Variants in SUPT3H observed in about 807,000 individuals in gnomAD.
SUPT3H encodes the protein SPT3 homolog, SAGA and STAGA complex component.
In SUPT3H, 44 loss-of-function variants were observed where a neutral mutation model predicts 44.3. The ratio of observed to expected loss-of-function variants is 0.99; its 90% CI spans 0.78 to 1.28. The LOEUF is 1.28. Ranked by LOEUF, SUPT3H falls within the 50% of genes most tolerant of loss-of-function variation. The pLI, the probability that SUPT3H is intolerant of heterozygous loss-of-function variation, is 0.00. For synonymous variants in SUPT3H, 124 were observed against 125.6 expected, an observed-to-expected ratio of 0.99 and a Z score of 0.09; for missense variants, 380 against 387.1, an observed-to-expected ratio of 0.98 and a Z score of 0.15.
chr6:45,157,296 A>G (rs1008395799), intron 2 of SUPT3H, among the ~76,000 whole-genome samples: 14 of 151,988 alleles, frequency 9.2e-5, no homozygotes, highest in African/African-American at 3.1e-4. Flanking sequence ...GTATTTAAGA[A>G]CCAACCTCCA....
At chr6:44,837,824 A>C (rs568089598) in intron 10 of SUPT3H, among the ~76,000 whole-genome samples, 4 of 152,336 alleles carry the variant, frequency 2.6e-5, no homozygotes, top group Admixed American at 1.3e-4. Context: ...TTTGTAGTAG[A>C]TAATATAATT....
chr6:44,873,546 A>G, intron 10 of SUPT3H, among the ~76,000 whole-genome samples: 1 of 51,644 alleles, frequency 1.9e-5, no homozygotes, highest in Non-Finnish European at 4.2e-5. Flanking sequence ...AAGAGAAAGC[A>G]GGAAAGATCC....
intron 11 of SUPT3H, among the ~76,000 whole-genome samples, chr6:44,820,294 G>T (rs900692770): frequency 1.3e-5 from 2 of 152,110 alleles, no homozygotes; most frequent in African/African-American, 4.8e-5. Context: ...ACTAATTTCT[G>T]CTTGTAGTGG....
At chr6:45,096,385 A>T (rs1797784922) in intron 3 of SUPT3H, among the ~76,000 whole-genome samples, 1 of 152,176 alleles carries the variant, frequency 6.6e-6, no homozygotes, top group Admixed American at 6.6e-5. Flanking sequence ...ATTTTAGATG[A>T]TGTATTTTCA....
intron 5 of SUPT3H, among the ~76,000 whole-genome samples, chr6:45,011,944 T>G (rs1004113385): frequency 4.6e-5 from 7 of 152,064 alleles, no homozygotes; most frequent in Non-Finnish European, 1.0e-4. Context: ...TTGCTGGATA[T>G]AAGTTTCTCG....
chr6:45,005,468 G>A (rs1782579429), intron 5 of SUPT3H, among the ~76,000 whole-genome samples: 1 of 152,058 alleles, frequency 6.6e-6, no homozygotes, highest in African/African-American at 2.4e-5. Flanking sequence ...TGCCAGGCGT[G>A]GTGGCTCACG....
chr6:45,268,688 A>G (rs2153660703), intron 2 of SUPT3H, among the ~76,000 whole-genome samples: 1 of 152,304 alleles, frequency 6.6e-6, no homozygotes, highest in African/African-American at 2.4e-5. Flanking sequence ...TAGATAACTA[A>G]GAAGAATGTG....
intron 2 of SUPT3H, among the ~76,000 whole-genome samples, chr6:45,240,194 A>G (rs1157223838): frequency 6.6e-6 from 1 of 151,898 alleles, no homozygotes; most frequent in Non-Finnish European, 1.5e-5. Context: ...GATTGCGAGG[A>G]CCCCCCAGTT....
At chr6:45,237,507 G>T (rs1769406095) in intron 2 of SUPT3H, among the ~76,000 whole-genome samples, 1 of 152,154 alleles carries the variant, frequency 6.6e-6, no homozygotes, top group Non-Finnish European at 1.5e-5. Flanking sequence ...AAAGTATGTT[G>T]CATGAAATGG....
At chr6:45,219,378 C>T (rs189875253) in intron 2 of SUPT3H, among the ~76,000 whole-genome samples, 45 of 151,834 alleles carry the variant, frequency 3.0e-4, no homozygotes, top group African/African-American at 8.9e-4. Context: ...AAATCACAAA[C>T]GCCAGGAATG....
At chr6:45,275,480 T>C (rs1776865498) in intron 2 of SUPT3H, among the ~76,000 whole-genome samples, 1 of 152,176 alleles carries the variant, frequency 6.6e-6, no homozygotes, top group South Asian at 2.1e-4. Flanking sequence ...TCAGTATTCA[T>C]CTAAAGTATC....
intron 3 of SUPT3H, among the ~76,000 whole-genome samples, chr6:45,065,617 A>G (rs977380072): frequency 4.0e-5 from 6 of 151,250 alleles, no homozygotes; most frequent in African/African-American, 1.2e-4. Flanking sequence ...ATAAAAAATG[A>G]TAAAGGGGAT....
intron 10 of SUPT3H, among the ~76,000 whole-genome samples, chr6:44,849,755 T>C (rs191710842): frequency 1.1e-4 from 16 of 151,484 alleles, no homozygotes; most frequent in Admixed American, 1.0e-3. Flanking sequence ...AAAAACAGCT[T>C]ACAAGACCTA....
intron 10 of SUPT3H, among the ~76,000 whole-genome samples, chr6:44,859,508 C>A (rs1233933428): frequency 6.6e-6 from 1 of 152,070 alleles, no homozygotes; most frequent in Non-Finnish European, 1.5e-5. Context: ...TACAGAACCC[C>A]TTTGTAGTAA....
intron 10 of SUPT3H, among the ~76,000 whole-genome samples, chr6:44,928,882 C>CAAAATAAAAAAAAAAAAAAA (rs1491206167): frequency 1.5e-4 from 3 of 20,644 alleles, no homozygotes; most frequent in African/African-American, 3.1e-4. Flanking sequence ...GACTCCGTCT[C>CAAAATAAAAAAAAAAAAAAA]AAAAAAAAAA....
At chr6:45,274,674 A>C (rs1441016356) in intron 2 of SUPT3H, among the ~76,000 whole-genome samples, 1 of 152,188 alleles carries the variant, frequency 6.6e-6, no homozygotes, top group Non-Finnish European at 1.5e-5. Context: ...TGAGCCCAGG[A>C]GTTTGAGACC....
intron 10 of SUPT3H, among the ~76,000 whole-genome samples, chr6:44,894,362 C>A (rs946559271): frequency 1.3e-5 from 2 of 152,118 alleles, no homozygotes; most frequent in African/African-American, 4.8e-5. Flanking sequence ...TTAGGTCTCA[C>A]GTTTAAGTCT....
intron 3 of SUPT3H, among the ~76,000 whole-genome samples, chr6:45,054,631 T>C (rs1473111089): frequency 1.3e-5 from 2 of 152,192 alleles, no homozygotes; most frequent in Non-Finnish European, 2.9e-5. Context: ...AAATCTTTTC[T>C]GCCACTATGT....
intron 10 of SUPT3H, among the ~76,000 whole-genome samples, chr6:44,840,212 T>C (rs925596919): frequency 6.6e-6 from 1 of 152,254 alleles, no homozygotes; most frequent in South Asian, 2.1e-4. Context: ...ACAGGCATTC[T>C]ATAAAATATA....
Sources: allele counts gnomAD v4.1 joint callset (sites outside exome capture counted in the v4.1 genomes callset), GRCh38; gene constraint gnomAD v4.1.1; transcripts MANE v1.5; gene names NCBI Gene and HGNC (gene_info 2026-07-23, HGNC 2026-07-21).